The following CNKSR3 variants were observed in gnomAD, a reference collection of about 807,000 sequenced individuals.
The protein encoded by CNKSR3 is connector enhancer of kinase suppressor of ras 3.
CNKSR3 carries 36 observed loss-of-function variants against 67.7 expected under a neutral mutation model. The observed-to-expected ratio is 0.53, with a 90% CI of 0.41 to 0.70. The LOEUF is 0.70. CNKSR3 is among the 30% of genes least tolerant of loss of function. The pLI is 0.00. For synonymous variants in CNKSR3, 281 were observed against 271.4 expected, an observed-to-expected ratio of 1.04 and a Z score of -0.35; for missense variants, 630 against 695.2, an observed-to-expected ratio of 0.91 and a Z score of 1.05.
chr6:154,509,183 T>C (rs900844265), intron 1 of CNKSR3, among the ~76,000 whole-genome samples: 102 of 152,210 alleles, frequency 6.7e-4, no homozygotes, highest in African/African-American at 2.4e-3. Flanking sequence ...GACTTTGTTC[T>C]CTTGAAAGTA....
chr6:154,432,217 G>C (rs1785384661), intron 5 of CNKSR3, among the ~76,000 whole-genome samples: 1 of 152,174 alleles, frequency 6.6e-6, no homozygotes, highest in East Asian at 1.9e-4. Flanking sequence ...GTATATGGCG[G>C]TATCTCATTG....
chr6:154,423,420 T>A lies in CNKSR3; in HGVS notation c.730-437A>T, dbSNP rs9479847. Among the ~76,000 whole-genome samples, 380 of 152,180 alleles carry A rather than the reference T, an allele frequency of 2.5e-3. 6 individuals are homozygous for A. Among genetic ancestry groups the A allele is most frequent in the Non-Finnish European group, 2.0e-3 (136 of 68,002 alleles). ...CTGAGATTACAGGTGGCTGCCACCA[T>A]GCCCAGCTAATATTTTTAGTAGAGA... is the stretch of plus-strand genomic sequence containing the variant. On this transcript the variant is annotated intron_variant, in intron 7 of 12. Transcript: ENST00000607772.
intron 1 of CNKSR3, among the ~76,000 whole-genome samples, chr6:154,503,428 C>T (rs182636847): frequency 2.2e-4 from 34 of 152,160 alleles, no homozygotes; most frequent in African/African-American, 7.2e-4. Flanking sequence ...GAGTTCCAGA[C>T]CAGCCTGGGC....
chr6:154,498,353 CAA>C (rs11324937), intron 1 of CNKSR3, among the ~76,000 whole-genome samples: 10 of 138,672 alleles, frequency 7.2e-5, no homozygotes, highest in African/African-American at 7.8e-5. Context: ...TGGTCTACGT[CAA>C]AAAAAAAAAA....
At chr6:154,500,042 C>T (rs1197308980) in intron 1 of CNKSR3, among the ~76,000 whole-genome samples, 2 of 151,234 alleles carry the variant, frequency 1.3e-5, no homozygotes, top group South Asian at 2.2e-4. Context: ...TAGTTTAAGA[C>T]TCCAGTTGGT....
intron 1 of CNKSR3, among the ~76,000 whole-genome samples, chr6:154,457,766 C>T (rs1485238199): frequency 6.6e-6 from 1 of 152,150 alleles, no homozygotes; most frequent in Non-Finnish European, 1.5e-5. Flanking sequence ...CCTCTTAATT[C>T]ATCCTCTATC....
chr6:154,510,434 G>T lies in CNKSR3; in HGVS notation c.-320C>A. The T allele has an allele frequency of 2.4e-6, 1 of 421,740 alleles. No homozygotes were observed. The allele number at this position is 421,740 out of a possible 1,614,324, so 26.1% of individuals were successfully genotyped here. On this transcript the variant is annotated 5_prime_UTR_variant, in exon 1 of 13. Coordinates refer to ENST00000607772, the MANE Select transcript of CNKSR3 (RefSeq NM_173515.4). ...GCTGCGACCCCAGACCCCTGGCCTC[G>T]GCTCGGCACGGGAGCCTCCCGGCCC... is the stretch of plus-strand genomic sequence containing the variant.
At chr6:154,433,108 T>C (rs540080542) in intron 5 of CNKSR3, among the ~76,000 whole-genome samples, 2 of 152,320 alleles carry the variant, frequency 1.3e-5, no homozygotes, top group South Asian at 4.1e-4. Flanking sequence ...ATAAGGTTTT[T>C]GCCAAGAATT....
At chr6:154,480,551 G>A (rs931580691) in intron 1 of CNKSR3, among the ~76,000 whole-genome samples, 1 of 152,142 alleles carries the variant, frequency 6.6e-6, no homozygotes, top group African/African-American at 2.4e-5. Context: ...TTCTCCATGC[G>A]ATTAAATTAG....
rs1160196208 is a variant in CNKSR3, at chr6:154,398,840, G to C, written c.*7514C>G. 6.6e-6 allele frequency: 1 copy of C among 152,254 alleles called. No homozygotes were observed. Among genetic ancestry groups the C allele is most frequent in the African/African-American group, 2.4e-5 (1 of 41,456 alleles). 9.4% of individuals were successfully genotyped at this position (152,254 alleles called of 1,614,324 possible). ...CTCACGCCTGTAATCCCAACACTTT[G>C]GGAGGCTGAGGTGAGCGGATCACCT... On this transcript the variant is annotated 3_prime_UTR_variant, in exon 13 of 13. Transcript: ENST00000607772.
chr6:154,416,740 G>C (rs962404527), intron 9 of CNKSR3, among the ~76,000 whole-genome samples: 3 of 152,144 alleles, frequency 2.0e-5, no homozygotes, highest in Non-Finnish European at 4.4e-5. Flanking sequence ...CAGGGCTGGG[G>C]ACTAAGTCTG....
At chr6:154,498,389 T>C (rs1394547640) in intron 1 of CNKSR3, among the ~76,000 whole-genome samples, 4 of 149,858 alleles carry the variant, frequency 2.7e-5, no homozygotes, top group Non-Finnish European at 4.4e-5. Context: ...TTGTGAACAC[T>C]GGGAAATGTC....
At chr6:154,475,289 G>A (rs1035546901) in intron 1 of CNKSR3, among the ~76,000 whole-genome samples, 9 of 152,060 alleles carry the variant, frequency 5.9e-5, no homozygotes, top group Admixed American at 3.3e-4. Flanking sequence ...CACACGCCTG[G>A]CCCTTCTCCA....
intron 9 of CNKSR3, among the ~76,000 whole-genome samples, chr6:154,418,167 G>T (rs982990630): frequency 9.2e-5 from 14 of 152,164 alleles, no homozygotes; most frequent in African/African-American, 3.4e-4. Context: ...TGCCTCGCCC[G>T]AGCAGGGCCA....
chr6:154,479,524 G>A (rs974138688), intron 1 of CNKSR3, among the ~76,000 whole-genome samples: 6 of 152,128 alleles, frequency 3.9e-5, no homozygotes, highest in Admixed American at 6.5e-5. Context: ...AAAAGAAAGC[G>A]GGGGTAAAAA....
At position 154,430,606 on chromosome 6, in the gene CNKSR3, G is replaced by T; in HGVS notation, c.550-15C>A. 6.3e-7 allele frequency: 1 copy of T among 1,598,646 alleles called. No individual in the cohort carries two copies. Among genetic ancestry groups the T allele is most frequent in the South Asian group, 1.1e-5 (1 of 87,230 alleles). On this transcript the variant is annotated splice_polypyrimidine_tract_variant and intron_variant, in intron 5 of 12. Coordinates refer to ENST00000607772, the MANE Select transcript of CNKSR3 (RefSeq NM_173515.4). ...AAAACCTTGACCTAGAATTGGAGAAGCAAATAGTCAGGAAAGTTCAATCAT... is the reference window on the plus strand; with the variant it reads ...AAAACCTTGACCTAGAATTGGAGAATCAAATAGTCAGGAAAGTTCAATCAT...
intron 9 of CNKSR3, among the ~76,000 whole-genome samples, chr6:154,415,732 A>G (rs1298338172): frequency 6.6e-6 from 1 of 152,250 alleles, no homozygotes; most frequent in Non-Finnish European, 1.5e-5. Context: ...CTATTTATAC[A>G]TATATGCATT....
intron 9 of CNKSR3, among the ~76,000 whole-genome samples, chr6:154,420,460 C>T (rs918485073): frequency 2.0e-5 from 3 of 151,758 alleles, no homozygotes; most frequent in Non-Finnish European, 2.9e-5. Flanking sequence ...GAGGCCGAGG[C>T]GGGCGGATCA....
At chr6:154,434,305 C>G in intron 4 of CNKSR3, among the ~76,000 whole-genome samples, 1 of 152,162 alleles carries the variant, frequency 6.6e-6, no homozygotes, top group East Asian at 1.9e-4. Context: ...TCAACCTATA[C>G]TGCAGAATGC....
Sources: allele counts gnomAD v4.1 joint callset (sites outside exome capture counted in the v4.1 genomes callset), GRCh38; gene constraint gnomAD v4.1.1; transcripts MANE v1.5; gene names NCBI Gene and HGNC (gene_info 2026-07-23, HGNC 2026-07-21).